Variants in PDE1A observed in about 807,000 individuals in gnomAD.
PDE1A encodes the protein dual specificity calcium/calmodulin-dependent 3',5'-cyclic nucleotide phosphodiesterase 1A.
Under a neutral mutation model 61.7 loss-of-function variants are expected in PDE1A, and 35 were observed. That is an observed-to-expected ratio of 0.57 (90% CI 0.43 to 0.75). PDE1A has a LOEUF of 0.75. Among genes scored for constraint, PDE1A ranks in the 30% least tolerant of loss-of-function variants. The probability of loss-of-function intolerance (pLI) is 0.00; values close to 1 mark genes in which losing one functional copy is unlikely to be tolerated. For missense variants in PDE1A, 597 were observed against 630.6 expected, an observed-to-expected ratio of 0.95 and a Z score of 0.57; for synonymous variants, 232 against 213.2, an observed-to-expected ratio of 1.09 and a Z score of -0.77.
At chr2:182,287,927 T>C (rs1694273158) in intron 1 of PDE1A, among the ~76,000 whole-genome samples, 2 of 152,282 alleles carry the variant, frequency 1.3e-5, no homozygotes, top group South Asian at 4.1e-4. Context: ...AATATCCTCT[T>C]TAATTTAATG....
intron 1 of PDE1A, among the ~76,000 whole-genome samples, chr2:182,397,185 G>A (rs962160488): frequency 3.9e-5 from 6 of 152,094 alleles, no homozygotes; most frequent in Non-Finnish European, 2.9e-5. Flanking sequence ...CATTTTGAGA[G>A]GCAGCAAACT....
chr2:182,335,113 G>C (rs1167815313), intron 1 of PDE1A, among the ~76,000 whole-genome samples: 2 of 151,828 alleles, frequency 1.3e-5, no homozygotes, highest in Non-Finnish European at 2.9e-5. Flanking sequence ...AAGAAAATAA[G>C]AGAGGACACA....
At chr2:182,634,831 G>A in the PDE1A span, among the ~76,000 whole-genome samples, 8 of 152,190 alleles carry the variant, frequency 5.3e-5, no homozygotes, top group Admixed American at 2.0e-4. Flanking sequence ...TATGGATGAT[G>A]ATTCATCTTT....
chr2:182,227,117 A>G (rs1413919688), intron 6 of PDE1A, among the ~76,000 whole-genome samples: 1 of 151,976 alleles, frequency 6.6e-6, no homozygotes, highest in East Asian at 1.9e-4. Flanking sequence ...CAAAGTTTCT[A>G]TTTTTTCAAC....
At chr2:182,274,948 A>G (rs1693302379) in intron 1 of PDE1A, among the ~76,000 whole-genome samples, 2 of 152,164 alleles carry the variant, frequency 1.3e-5, no homozygotes, top group African/African-American at 4.8e-5. Context: ...TGAGTTGCTT[A>G]GCAAGGCTTA....
At chr2:182,508,707 A>T (rs1309143474) in intron 2 of PDE1A, among the ~76,000 whole-genome samples, 5 of 150,986 alleles carry the variant, frequency 3.3e-5, no homozygotes, top group African/African-American at 1.2e-4. Flanking sequence ...TTTCCGGGGT[A>T]TCAAAGCCAT....
chr2:182,340,252 T>C (rs1698100223), intron 1 of PDE1A, among the ~76,000 whole-genome samples: 1 of 152,332 alleles, frequency 6.6e-6, no homozygotes, highest in Non-Finnish European at 1.5e-5. Flanking sequence ...CCAATTTAAA[T>C]GTTATTCTTC....
intron 2 of PDE1A, among the ~76,000 whole-genome samples, chr2:182,451,601 T>G (rs1685526349): frequency 6.6e-6 from 1 of 152,138 alleles, no homozygotes; most frequent in Non-Finnish European, 1.5e-5. Flanking sequence ...AAATTTATTA[T>G]ATACTTTTAC....
chr2:182,546,539 C>T, the PDE1A span, among the ~76,000 whole-genome samples: 7 of 152,160 alleles, frequency 4.6e-5, no homozygotes, highest in African/African-American at 9.7e-5. Context: ...TTGAAAGCCA[C>T]GTGGATAACG....
intron 2 of PDE1A, among the ~76,000 whole-genome samples, chr2:182,434,519 G>A (rs539259005): frequency 1.3e-5 from 2 of 152,114 alleles, no homozygotes; most frequent in South Asian, 4.1e-4. Flanking sequence ...AGGCAGAAAG[G>A]AAAGCTAACT....
the PDE1A span, among the ~76,000 whole-genome samples, chr2:182,619,073 T>C: frequency 6.6e-6 from 1 of 150,570 alleles, no homozygotes; most frequent in East Asian, 1.9e-4. Context: ...GGGGGCAGGG[T>C]TGGAAGATAC....
intron 1 of PDE1A, among the ~76,000 whole-genome samples, chr2:182,329,891 G>T (rs570191672): frequency 6.6e-6 from 1 of 152,254 alleles, no homozygotes; most frequent in South Asian, 2.1e-4. Flanking sequence ...AAAGCGGGTT[G>T]TTTTCTGTTT....
chr2:182,349,682 T>A (rs1481262834), intron 1 of PDE1A, among the ~76,000 whole-genome samples: 1 of 151,874 alleles, frequency 6.6e-6, no homozygotes, highest in East Asian at 1.9e-4. Context: ...ATCGCTTGAA[T>A]CCGGGAGGCG....
At chr2:182,623,683 C>T in the PDE1A span, among the ~76,000 whole-genome samples, 1 of 152,302 alleles carries the variant, frequency 6.6e-6, no homozygotes, top group Admixed American at 6.5e-5. Context: ...CTACAAAAAA[C>T]TGTCTTCATT....
intron 2 of PDE1A, among the ~76,000 whole-genome samples, chr2:182,452,142 A>G (rs1037208015): frequency 2.6e-5 from 4 of 152,094 alleles, no homozygotes; most frequent in Admixed American, 2.0e-4. Context: ...ATACTATGCT[A>G]TTTAAATCAG....
the PDE1A span, among the ~76,000 whole-genome samples, chr2:182,589,942 C>CAT: frequency 6.6e-6 from 1 of 152,230 alleles, no homozygotes; most frequent in African/African-American, 2.4e-5. Context: ...ATCCTAACCA[C>CAT]GCTATTAGCT....
intron 7 of PDE1A, among the ~76,000 whole-genome samples, chr2:182,219,961 A>AT (rs1269161669): frequency 2.0e-5 from 3 of 152,148 alleles, no homozygotes; most frequent in Non-Finnish European, 4.4e-5. Flanking sequence ...GAAATCTGGC[A>AT]TTTTATACAA....
intron 10 of PDE1A, among the ~76,000 whole-genome samples, chr2:182,194,399 C>T (rs1034695432): frequency 2.6e-5 from 4 of 152,078 alleles, no homozygotes; most frequent in Non-Finnish European, 4.4e-5. Context: ...TCTCTCTCTC[C>T]TATCAGTCAT....
chr2:182,665,387 C>A, the PDE1A span, among the ~76,000 whole-genome samples: 3 of 152,044 alleles, frequency 2.0e-5, no homozygotes, highest in African/African-American at 4.8e-5. Context: ...AAAGAAATAA[C>A]CCCATCAAAA....
Sources: gnomAD v4.1 joint callset for allele counts (sites outside exome capture counted in the v4.1 genomes callset) on GRCh38, gnomAD v4.1.1 for gene constraint, MANE v1.5 for transcripts, NCBI Gene and HGNC (gene_info 2026-07-23, HGNC 2026-07-21) for gene names.